Variants in POU2F2 observed in about 807,000 individuals in gnomAD.
POU2F2 encodes POU domain, class 2, transcription factor 2.
A neutral mutation model predicts 63.5 loss-of-function variants in POU2F2; 14 were observed. The ratio of observed to expected loss-of-function variants is 0.22; its 90% CI spans 0.15 to 0.34. The LOEUF is 0.34. Among genes scored for constraint, POU2F2 ranks in the 10% least tolerant of loss-of-function variants. POU2F2 has a pLI of 1.00. For missense variants in POU2F2, 607 were observed against 815.2 expected, an observed-to-expected ratio of 0.74 and a Z score of 3.11; for synonymous variants, 306 against 348.6, an observed-to-expected ratio of 0.88 and a Z score of 1.36.
At chr19:42,195,132 A>AG (rs1401004696) in intron 1 of POU2F2, among the ~76,000 whole-genome samples, 6 of 85,790 alleles carry the variant, frequency 7.0e-5, no homozygotes, top group African/African-American at 2.3e-4. Context: ...GAAGAGAGGG[A>AG]GGAACGAAGG....
At chr19:42,116,876 A>AGGCGGCGGCGGC (rs555150584) in intron 5 of POU2F2, 1 of 446,280 alleles carries the variant, frequency 2.2e-6, no homozygotes, top group African/African-American at 2.0e-5. Context: ...GAGGAGGCGG[A>AGGCGGCGGCGGC]GGCGGCGGCG....
upstream of POU2F2, among the ~76,000 whole-genome samples, chr19:42,180,953 A>G (rs1262985998): frequency 6.6e-6 from 1 of 151,788 alleles, no homozygotes; most frequent in African/African-American, 2.4e-5. Flanking sequence ...TAAAGCACCA[A>G]TTTTAAGGAT....
chr19:42,183,875 G>A lies in POU2F2; in HGVS notation c.-70+12508C>T, dbSNP rs908958219. Among the ~76,000 whole-genome samples, 4 of 152,092 alleles carry A rather than the reference G, an allele frequency of 2.6e-5. No individual in the cohort carries two copies. The East Asian group carries it at 5.8e-4, about 22-fold the overall frequency. On this transcript the variant is annotated intron_variant, in intron 1 of 5. Coordinates refer to the POU2F2 transcript ENST00000532176. ...GGAGAGTAAGACTATCAAGAAGTGA[G>A]TGCAAAGAAAATCAGGGTTCAAAAT...
intron 1 of POU2F2, among the ~76,000 whole-genome samples, chr19:42,186,706 T>G (rs545479962): frequency 8.5e-5 from 13 of 152,184 alleles, no homozygotes; most frequent in Non-Finnish European, 1.6e-4. Context: ...GACATTGGTA[T>G]CAGGGACATG....
chr19:42,168,308 G>A (rs868341407), intron 1 of POU2F2, among the ~76,000 whole-genome samples: 1 of 152,200 alleles, frequency 6.6e-6, no homozygotes, highest in Non-Finnish European at 1.5e-5. Context: ...GCTCTGTCTA[G>A]TCCCTCTCAA....
intron 1 of POU2F2, among the ~76,000 whole-genome samples, chr19:42,127,804 C>T (rs1442613414): frequency 6.6e-6 from 1 of 152,022 alleles, no homozygotes; most frequent in East Asian, 1.9e-4. Flanking sequence ...TGTAGCTAGC[C>T]GGGCCCCACT....
At chr19:42,180,021 G>A (rs1448994368), upstream of POU2F2, among the ~76,000 whole-genome samples, 1 of 152,160 alleles carries the variant, frequency 6.6e-6, no homozygotes, top group African/African-American at 2.4e-5. Context: ...TCCACACAGT[G>A]TGTTCACAAC....
intron 14 of POU2F2, 134 bp from the exon 15 acceptor site, chr19:42,091,725 TC>T (rs1241646447): frequency 7.1e-6 from 11 of 1,550,460 alleles, no homozygotes; most frequent in Non-Finnish European, 7.8e-6. Flanking sequence ...CCTCACACCT[TC>T]CCCAAAGGTG....
In POU2F2 at chr19:42,092,180, T is replaced by C. The variant is rs774421999; in HGVS notation, c.1355A>G (p.Asn452Ser). 66 of 1,568,126 alleles carry C rather than the reference T, an allele frequency of 4.2e-5. No homozygotes were observed. Among genetic ancestry groups the C allele is most frequent in the Admixed American group, 9.9e-5 (5 of 50,692 alleles). ...GGGGGAAPPL[N>S]SIPSVTPPPP... ...TGGGGGAGTGACAGAGGGGATGGAA[T>C]TGAGGGGGGGCGCAGCCCCGCCCCC... Residue 452 changes from asparagine (N) to serine (S), a missense_variant, in exon 13 of 15, where the codon AAT (asparagine) becomes AGT (serine). By Grantham distance (46) the Asn-to-Ser change is conservative. Transcript: ENST00000692977. The surrounding 1 kb of genome is among the most constrained non-coding windows in gnomAD (Gnocchi z 5.0).
chr19:42,099,624 A>G lies in POU2F2; in HGVS notation c.476-6T>C, dbSNP rs1205817. Reference sequence around the variant, plus strand: ...ATTTGGTGTCGGTAGCAGGCCTGGAAAGACAAGGGGAAATACACAGGGTGA... The same window carrying G: ...ATTTGGTGTCGGTAGCAGGCCTGGAGAGACAAGGGGAAATACACAGGGTGA... On this transcript the variant is annotated splice_polypyrimidine_tract_variant and splice_region_variant and intron_variant, in intron 6 of 14. Transcript: ENST00000692977. 368,923 of 1,611,632 alleles carry G rather than the reference A, an allele frequency of 0.23. 56,280 individuals carry two copies. Among genetic ancestry groups the G allele is most frequent in the African/African-American group, 0.77 (57,844 of 74,864 alleles).
chr19:42,160,346 C>T (rs2034529772), exon 2 of POU2F2: 2 of 152,240 alleles, frequency 1.3e-5, no homozygotes, highest in African/African-American at 4.8e-5. Flanking sequence ...TGGGCAGACG[C>T]AGCGAAGCTA....
chr19:42,108,754 A>C (rs1306857245), intron 5 of POU2F2, among the ~76,000 whole-genome samples: 2 of 152,138 alleles, frequency 1.3e-5, no homozygotes, highest in Non-Finnish European at 2.9e-5. Context: ...GTCAGAGCAC[A>C]CCAGTCAGAG....
In POU2F2 at chr19:42,087,123, C is replaced by G. The variant is rs1488679349; in HGVS notation, c.*4134G>C. ...TTTTTTCCAACATATAAAAAGGTAG[C>G]GGAGTTGTCTGTGGGTTTTTTTTTT... On this transcript the variant is annotated 3_prime_UTR_variant, in exon 15 of 15. Coordinates refer to ENST00000692977, the MANE Select transcript of POU2F2 (RefSeq NM_001394376.1). 6.9e-6 allele frequency: 1 copy of G among 144,118 alleles called. No individual in the cohort carries two copies. Among genetic ancestry groups the G allele is most frequent in the Non-Finnish European group, 1.5e-5 (1 of 66,262 alleles). The allele number at this position is 144,118 out of a possible 1,614,324, so 8.9% of individuals were successfully genotyped here.
chr19:42,126,937 A>T (rs576045538), intron 1 of POU2F2, among the ~76,000 whole-genome samples: 33 of 152,068 alleles, frequency 2.2e-4, no homozygotes, highest in African/African-American at 7.2e-4. Context: ...ATATTTTGAG[A>T]CAAGAGTCTT....
chr19:42,164,040 G>A (rs2034602124), intron 1 of POU2F2, among the ~76,000 whole-genome samples: 1 of 152,076 alleles, frequency 6.6e-6, no homozygotes, highest in East Asian at 1.9e-4. Context: ...CATCCAGATG[G>A]TTCCCCCACC....
chr19:42,165,753 G>A (rs1279913465), intron 1 of POU2F2, among the ~76,000 whole-genome samples: 1 of 152,098 alleles, frequency 6.6e-6, no homozygotes, highest in East Asian at 1.9e-4. Context: ...TGCTTATAGG[G>A]AACTTAGCAA....
In POU2F2 at chr19:42,155,954, C is replaced by G. The variant is rs1201059724; in HGVS notation, c.-9+4378G>C. 1 of 152,276 alleles carries G rather than the reference C, an allele frequency of 6.6e-6. No individual in the cohort carries two copies. The highest frequency in any genetic ancestry group is 2.4e-5 in the African/African-American group (1 of 41,424). The allele number at this position is 152,276 out of a possible 1,614,324, so 9.4% of individuals were successfully genotyped here. A position where few individuals can be genotyped will look rare whatever the true frequency, so the allele number is the denominator to read the frequency against. On this transcript the variant is annotated intron_variant, in intron 2 of 6. Coordinates refer to the POU2F2 transcript ENST00000524801. The surrounding 1 kb of genome is among the most constrained non-coding windows in gnomAD (Gnocchi z 4.2). The stretch of plus-strand genomic sequence containing the variant: ...AGGAAAGCCAGGGGCAGAGACCTGG[C>G]AGGGCAGCGTGAGCCCAACAACCAC...
chr19:42,163,797 TATC>T (rs569776998), intron 1 of POU2F2, among the ~76,000 whole-genome samples: 3 of 152,134 alleles, frequency 2.0e-5, no homozygotes, highest in Non-Finnish European at 4.4e-5. Flanking sequence ...CCAACCTAGA[TATC>T]ATATGAGTGG....
rs199904387 is a variant in POU2F2, at chr19:42,099,633, G to T, written c.476-15C>A. 1 of 1,610,628 alleles carries T rather than the reference G, an allele frequency of 6.2e-7. No homozygotes were observed. The highest frequency in any genetic ancestry group is 1.3e-5 in the African/African-American group (1 of 74,912). ...CGGTAGCAGGCCTGGAAAGACAAGG[G>T]GAAATACACAGGGTGAGGGGGAGGG... On this transcript the variant is annotated splice_polypyrimidine_tract_variant and intron_variant, in intron 6 of 14. Coordinates refer to ENST00000692977, the MANE Select transcript of POU2F2 (RefSeq NM_001394376.1).
Sources: gnomAD v4.1 joint callset for allele counts (sites outside exome capture counted in the v4.1 genomes callset) on GRCh38, gnomAD v4.1.1 for gene constraint, Gnocchi (gnomAD v3.1) non-coding constraint, MANE v1.5 for transcripts, NCBI Gene and HGNC (gene_info 2026-07-23, HGNC 2026-07-21) for gene names.